INPP4B: variants seen among roughly 807,000 people sequenced by gnomAD.
INPP4B encodes inositol polyphosphate 4-phosphatase type II.
INPP4B carries 55 observed loss-of-function variants against 122.5 expected under a neutral mutation model. The observed-to-expected ratio is 0.45, with a 90% confidence interval of 0.36 to 0.56. INPP4B has a LOEUF of 0.56. INPP4B is among the 20% of genes least tolerant of loss of function. The pLI is 0.00. For synonymous variants in INPP4B, 403 were observed against 388.7 expected (o/e 1.04, Z -0.43); for missense variants, 1,000 against 1,097.7 (o/e 0.91, Z 1.26).
At chr4:142,726,630 A>G (rs1015050066) in intron 1 of INPP4B, among the ~76,000 whole-genome samples, 1 of 152,230 alleles carries the variant, frequency 6.6e-6, no homozygotes, top group African/African-American at 2.4e-5. Context: ...ATAGCTTTCC[A>G]GAAAGGACTG....
At chr4:142,626,350 G>A (rs1041488802) in intron 2 of INPP4B, among the ~76,000 whole-genome samples, 2 of 152,002 alleles carry the variant, frequency 1.3e-5, no homozygotes, top group Admixed American at 1.3e-4. Flanking sequence ...AAAGGGACAG[G>A]GATCTTCTTT....
chr4:142,485,991 T>C (rs28510314), intron 2 of INPP4B, among the ~76,000 whole-genome samples: 25,213 of 151,918 alleles, frequency 0.17, 2,351 homozygotes, highest in East Asian at 0.38. Flanking sequence ...ATACATTTAT[T>C]CTGGGTCTGG....
intron 1 of INPP4B, among the ~76,000 whole-genome samples, chr4:142,738,386 A>T (rs1158474661): frequency 6.6e-6 from 1 of 152,114 alleles, no homozygotes; most frequent in East Asian, 1.9e-4. Context: ...GCATGTTGTC[A>T]CTCATAGGTG....
chr4:142,030,202 G>T (rs1387377003), intron 25 of INPP4B: 2 of 1,535,672 alleles, frequency 1.3e-6, no homozygotes, highest in South Asian at 2.4e-5. Context: ...CTGACAAGCA[G>T]CAAGGCGACA....
At chr4:142,117,964 T>C (rs1487430339) in intron 21 of INPP4B, among the ~76,000 whole-genome samples, 1 of 152,120 alleles carries the variant, frequency 6.6e-6, no homozygotes, top group African/African-American at 2.4e-5. Context: ...ACAAAATCAA[T>C]GTACAAAAAT....
intron 2 of INPP4B, among the ~76,000 whole-genome samples, chr4:142,493,576 T>C (rs936212857): frequency 6.6e-6 from 1 of 152,178 alleles, no homozygotes; most frequent in Admixed American, 6.5e-5. Context: ...GTTTAATGAC[T>C]ACCCTATTGG....
intron 2 of INPP4B, among the ~76,000 whole-genome samples, chr4:142,563,931 A>G (rs1388379346): frequency 6.6e-6 from 1 of 152,108 alleles, no homozygotes; most frequent in East Asian, 1.9e-4. Flanking sequence ...CCACCTACAC[A>G]TGGGTTAGTC....
chr4:142,384,254 A>G (rs1436595253), intron 7 of INPP4B: 17 of 632,640 alleles, frequency 2.7e-5, no homozygotes, highest in South Asian at 2.6e-4. Flanking sequence ...GTTAGTAACA[A>G]CTTCACTAAA....
chr4:142,759,041 G>A (rs1046307435), intron 1 of INPP4B, among the ~76,000 whole-genome samples: 1 of 151,850 alleles, frequency 6.6e-6, no homozygotes, highest in Non-Finnish European at 1.5e-5. Flanking sequence ...CTATGTGACT[G>A]TCTCTTTATG....
chr4:142,105,971 G>A (rs891971598), intron 23 of INPP4B, among the ~76,000 whole-genome samples: 1 of 152,002 alleles, frequency 6.6e-6, no homozygotes, highest in Non-Finnish European at 1.5e-5. Flanking sequence ...TCATTCTTTG[G>A]CTTGCAATAT....
At chr4:142,659,342 C>G (rs1436411178) in intron 2 of INPP4B, among the ~76,000 whole-genome samples, 1 of 151,502 alleles carries the variant, frequency 6.6e-6, no homozygotes. Context: ...GGAGGTGGAG[C>G]TTGCAGTGAG....
At chr4:142,663,182 C>T (rs772185499) in intron 2 of INPP4B, among the ~76,000 whole-genome samples, 6 of 152,068 alleles carry the variant, frequency 3.9e-5, no homozygotes, top group Non-Finnish European at 7.4e-5. Flanking sequence ...AGTAGTCAGG[C>T]GAGTTATTCC....
chr4:142,191,125 A>G (rs1022211566), intron 15 of INPP4B, among the ~76,000 whole-genome samples: 5 of 152,184 alleles, frequency 3.3e-5, no homozygotes, highest in African/African-American at 9.7e-5. Flanking sequence ...AACACTCTAG[A>G]CAAAACATAT....
chr4:142,699,619 G>A (rs911312432), intron 2 of INPP4B, among the ~76,000 whole-genome samples: 2 of 152,092 alleles, frequency 1.3e-5, no homozygotes, highest in African/African-American at 2.4e-5. Flanking sequence ...ATTCACTCAT[G>A]CATATACCTC....
chr4:142,320,756 C>A (rs1204816936), intron 7 of INPP4B, among the ~76,000 whole-genome samples: 3 of 152,156 alleles, frequency 2.0e-5, no homozygotes, highest in Non-Finnish European at 4.4e-5. Flanking sequence ...TTTGGTTTTC[C>A]ATTCCTGAGT....
intron 25 of INPP4B, chr4:142,029,996 AAAAC>A: frequency 7.2e-7 from 1 of 1,380,374 alleles, no homozygotes; most frequent in Non-Finnish European, 9.4e-7. Flanking sequence ...GATTTTAGGA[AAAAC>A]AAACTAAACA....
At chr4:142,252,055 T>G (rs896879475) in intron 11 of INPP4B, among the ~76,000 whole-genome samples, 1 of 152,238 alleles carries the variant, frequency 6.6e-6, no homozygotes, top group Non-Finnish European at 1.5e-5. Context: ...GTTTACCGCA[T>G]AGGTGATCTT....
chr4:142,752,579 C>A (rs1203270464), intron 1 of INPP4B, among the ~76,000 whole-genome samples: 1 of 152,056 alleles, frequency 6.6e-6, no homozygotes, highest in African/African-American at 2.4e-5. Flanking sequence ...AAGCAACCAG[C>A]TGAGGAAATT....
intron 9 of INPP4B, among the ~76,000 whole-genome samples, chr4:142,290,195 CTTTTTTTTTT>C (rs35260066): frequency 3.2e-4 from 25 of 77,504 alleles, no homozygotes; most frequent in African/African-American, 1.3e-3. Context: ...TTCTTTCTTC[CTTTTTTTTTT>C]TTTTTTTTTT....
Sources: gnomAD v4.1 joint callset for allele counts (sites outside exome capture counted in the v4.1 genomes callset) on GRCh38, gnomAD v4.1.1 for gene constraint, MANE v1.5 for transcripts, NCBI Gene and HGNC (gene_info 2026-07-23, HGNC 2026-07-21) for gene names.